OLA1: variants seen among roughly 807,000 people sequenced by gnomAD.
OLA1 encodes the protein obg-like ATPase 1.
In OLA1, 14 loss-of-function variants were observed where a neutral mutation model predicts 48.4. That is an observed-to-expected ratio of 0.29 (90% CI 0.19 to 0.45). The LOEUF (loss-of-function observed/expected upper bound fraction) is 0.45, where lower values mean the gene tolerates loss of function less well. OLA1 is among the 20% of genes least tolerant of loss of function. OLA1 has a pLI of 1.00. For synonymous variants in OLA1, 127 were observed against 150.4 expected (o/e 0.84, Z 1.14); for missense variants, 325 against 467.1 (o/e 0.70, Z 2.80).
chr2:174,222,535 A>C (rs971651779), intron 4 of OLA1, among the ~76,000 whole-genome samples: 1 of 152,044 alleles, frequency 6.6e-6, no homozygotes, highest in African/African-American at 2.4e-5. Flanking sequence ...CCACAGTCCT[A>C]TTTTTTCTCT....
At position 174,075,304 on chromosome 2, in the gene OLA1, T is replaced by A. The variant is rs1684709627; in HGVS notation, c.*122A>T. 1 of 614,556 alleles carries A rather than the reference T, an allele frequency of 1.6e-6. No homozygotes were observed. Among genetic ancestry groups the A allele is most frequent in the Admixed American group, 3.0e-5 (1 of 33,376 alleles). The allele number at this position is 614,556 out of a possible 1,614,324, so 38.1% of individuals were successfully genotyped here. A position where few individuals can be genotyped will look rare whatever the true frequency, so the allele number is the denominator to read the frequency against. ...TAATTTTAAAACAAATAAAAATAAT[T>A]TGTTTGTCAAAGATTCCCATCTCCC... On this transcript the variant is annotated 3_prime_UTR_variant, in exon 11 of 11. Transcript: ENST00000284719.
intron 7 of OLA1, among the ~76,000 whole-genome samples, chr2:174,104,432 A>G (rs192931690): frequency 1.3e-5 from 2 of 152,248 alleles, no homozygotes; most frequent in Non-Finnish European, 2.9e-5. Flanking sequence ...AATGATCATA[A>G]AAGAATAAAT....
chr2:174,244,420 C>T (rs915923456), intron 2 of OLA1, among the ~76,000 whole-genome samples: 1 of 152,040 alleles, frequency 6.6e-6, no homozygotes, highest in African/African-American at 2.4e-5. Flanking sequence ...AGGTTACTTC[C>T]ACGTACATTA....
intron 4 of OLA1, among the ~76,000 whole-genome samples, chr2:174,167,983 G>GC (rs1473473612): frequency 6.6e-6 from 1 of 152,158 alleles, no homozygotes; most frequent in East Asian, 1.9e-4. Flanking sequence ...GATACAAAAA[G>GC]CAGCTACCTA....
intron 5 of OLA1, among the ~76,000 whole-genome samples, chr2:174,123,973 T>C (rs926157079): frequency 1.3e-5 from 2 of 152,114 alleles, no homozygotes; most frequent in Non-Finnish European, 2.9e-5. Context: ...ACCATTTCAA[T>C]ATTACCTAGT....
intron 2 of OLA1, among the ~76,000 whole-genome samples, chr2:174,241,500 G>T (rs2358486): frequency 0.14 from 20,613 of 152,178 alleles, 1,592 homozygotes; most frequent in East Asian, 0.23. Flanking sequence ...AAGGCAATTT[G>T]CAGGGACACC....
chr2:174,127,077 A>G (rs1686062191), intron 5 of OLA1, among the ~76,000 whole-genome samples: 1 of 152,220 alleles, frequency 6.6e-6, no homozygotes, highest in African/African-American at 2.4e-5. Flanking sequence ...CTTCACATTT[A>G]AAATTAGAAA....
chr2:174,099,651 C>T (rs1157001919), intron 7 of OLA1, among the ~76,000 whole-genome samples: 2 of 152,094 alleles, frequency 1.3e-5, no homozygotes, highest in Non-Finnish European at 2.9e-5. Context: ...AGACACATTG[C>T]CTTTATGTTT....
intron 4 of OLA1, among the ~76,000 whole-genome samples, chr2:174,157,157 C>A (rs769349490): frequency 3.9e-5 from 6 of 151,920 alleles, no homozygotes; most frequent in Non-Finnish European, 7.4e-5. Context: ...TAAAAAGATA[C>A]ATATTTTAAG....
At chr2:174,192,220 A>T (rs187745304) in intron 4 of OLA1, among the ~76,000 whole-genome samples, 2 of 152,302 alleles carry the variant, frequency 1.3e-5, no homozygotes, top group Admixed American at 1.3e-4. Flanking sequence ...AGTATCCCTT[A>T]TCCAAAATGC....
chr2:174,221,778 G>A (rs905836772), intron 4 of OLA1, among the ~76,000 whole-genome samples: 2 of 152,128 alleles, frequency 1.3e-5, no homozygotes, highest in Non-Finnish European at 1.5e-5. Context: ...ACCTGGTCCA[G>A]AAATCCAGGA....
intron 4 of OLA1, among the ~76,000 whole-genome samples, chr2:174,190,280 C>A (rs1046473004): frequency 1.3e-5 from 2 of 152,084 alleles, no homozygotes; most frequent in Non-Finnish European, 2.9e-5. Context: ...TACGTAATTA[C>A]CTGCTCAAAA....
chr2:174,122,358 C>T (rs1574493456), intron 7 of OLA1, among the ~76,000 whole-genome samples: 1 of 152,246 alleles, frequency 6.6e-6, no homozygotes, highest in East Asian at 1.9e-4. Context: ...TCTTTGATAT[C>T]ATATGGAAAT....
intron 4 of OLA1, among the ~76,000 whole-genome samples, chr2:174,205,317 C>T (rs562042371): frequency 1.4e-3 from 207 of 152,046 alleles, no homozygotes; most frequent in Non-Finnish European, 1.9e-3. Flanking sequence ...GGAAAATGGG[C>T]GGAGAAGATT....
rs533567878 is a variant in OLA1 at position 174,134,215 on chromosome 2, T to C, written c.549+7610A>G. On this transcript the variant is annotated intron_variant, in intron 5 of 10. Transcript: ENST00000284719. ...ACACAGAAGTAGAATTGCTAGTTCA[T>C]ATGGTAAGTCTATAATTAACTTTTA... 2.6e-5 allele frequency among the ~76,000 whole-genome samples: 4 copies of C among 152,358 alleles called. No homozygotes were observed. The East Asian group carries it at 7.7e-4, about 29-fold the overall frequency.
chr2:174,215,554 G>GA (rs1057308410), intron 4 of OLA1, among the ~76,000 whole-genome samples: 1 of 151,448 alleles, frequency 6.6e-6, no homozygotes, highest in Non-Finnish European at 1.5e-5. Flanking sequence ...TAGAAATATG[G>GA]AAAAAAATAA....
At chr2:174,222,445 T>G (rs1688526846) in intron 4 of OLA1, among the ~76,000 whole-genome samples, 1 of 152,072 alleles carries the variant, frequency 6.6e-6, no homozygotes, top group Admixed American at 6.5e-5. Context: ...GACCTAAGCC[T>G]TAACCTAAAC....
chr2:174,124,536 C>G (rs77892386), intron 5 of OLA1, among the ~76,000 whole-genome samples: 3,699 of 152,244 alleles, frequency 0.024, 67 homozygotes, highest in Middle Eastern at 0.065. Context: ...AATCTAAAAG[C>G]TGCGTGTGGC....
intron 4 of OLA1, among the ~76,000 whole-genome samples, chr2:174,222,024 C>T (rs753397213): frequency 1.3e-3 from 199 of 152,168 alleles, no homozygotes; most frequent in Non-Finnish European, 1.7e-3. Flanking sequence ...AATTGTCTGT[C>T]ATGGGGTTTT....
Sources: allele counts gnomAD v4.1 joint callset (sites outside exome capture counted in the v4.1 genomes callset), GRCh38; gene constraint gnomAD v4.1.1; transcripts MANE v1.5; gene names NCBI Gene and HGNC (gene_info 2026-07-23, HGNC 2026-07-21).